Variants in ANTXR1 observed in about 807,000 individuals in gnomAD.
ANTXR1 encodes the protein anthrax toxin receptor 1.
In ANTXR1, 19 loss-of-function variants were observed where a neutral mutation model predicts 78.1. The observed-to-expected ratio is 0.24, with a 90% CI of 0.17 to 0.36. The LOEUF (loss-of-function observed/expected upper bound fraction) is 0.36, where lower values mean the gene tolerates loss of function less well. Among genes scored for constraint, ANTXR1 ranks in the 10% least tolerant of loss-of-function variants. The pLI is 1.00. For missense variants in ANTXR1, 518 were observed against 718.6 expected, an observed-to-expected ratio of 0.72 and a Z score of 3.19; for synonymous variants, 273 against 260.5, an observed-to-expected ratio of 1.05 and a Z score of -0.46.
At chr2:69,227,140 T>C (rs1675477428) in intron 17 of ANTXR1, among the ~76,000 whole-genome samples, 1 of 152,254 alleles carries the variant, frequency 6.6e-6, no homozygotes. Flanking sequence ...TGCTTTTTTT[T>C]ACTCCTAAAT....
chr2:69,168,677 C>T (rs1673896594), intron 13 of ANTXR1, among the ~76,000 whole-genome samples: 2 of 152,180 alleles, frequency 1.3e-5, no homozygotes, highest in Non-Finnish European at 2.9e-5. Flanking sequence ...CAGACATTTC[C>T]TGCTGTAAAG....
At chr2:69,045,350 A>C (rs1669732646) in intron 3 of ANTXR1, among the ~76,000 whole-genome samples, 2 of 152,218 alleles carry the variant, frequency 1.3e-5, no homozygotes, top group African/African-American at 2.4e-5. Context: ...CTAGCTTAAC[A>C]AAAGTATTTT....
intron 17 of ANTXR1, among the ~76,000 whole-genome samples, chr2:69,216,984 T>A (rs1310545674): frequency 6.6e-6 from 1 of 152,190 alleles, no homozygotes; most frequent in Non-Finnish European, 1.5e-5. Flanking sequence ...ATCTTTCCCC[T>A]AAATGTGCTT....
chr2:69,172,648 C>T, intron 14 of ANTXR1: 1 of 737,362 alleles, frequency 1.4e-6, no homozygotes, highest in Non-Finnish European at 1.8e-6. Context: ...AGAGGCATGT[C>T]TACTATTTAA....
At chr2:69,190,295 G>T (rs570558317) in intron 16 of ANTXR1, among the ~76,000 whole-genome samples, 1 of 152,306 alleles carries the variant, frequency 6.6e-6, no homozygotes, top group East Asian at 1.9e-4. Flanking sequence ...AGAGCAATTT[G>T]GGTGGAGTGA....
chr2:69,156,217 G>A lies in ANTXR1; in HGVS notation c.1047+3953G>A, dbSNP rs531126212. 7.2e-5 allele frequency among the ~76,000 whole-genome samples: 11 copies of A among 152,228 alleles called. No individual in the cohort carries two copies. The South Asian group carries it at 1.2e-3, about 17-fold the overall frequency. On this transcript the variant is annotated intron_variant, in intron 13 of 17. Transcript: ENST00000303714. The stretch of plus-strand genomic sequence containing the variant: ...CTCTGAAGTTCCCTGTACTACCTCT[G>A]GCTGTCTCATATTCAGCAGACAACC...
intron 8 of ANTXR1, 32 bp downstream of exon 8, chr2:69,077,520 T>C: frequency 1.2e-6 from 2 of 1,608,578 alleles, no homozygotes; most frequent in Non-Finnish European, 1.7e-6. Context: ...AGACTAGACA[T>C]TCAGGCACCT....
rs561868636 is a variant in ANTXR1, at chr2:69,197,933, C to T, written c.1434+4518C>T. 6.6e-5 allele frequency among the ~76,000 whole-genome samples: 10 copies of T among 152,330 alleles called. No individual in the cohort carries two copies. The East Asian group carries it at 1.7e-3, about 26-fold the overall frequency. On this transcript the variant is annotated intron_variant, in intron 17 of 17. Coordinates refer to ENST00000303714, the MANE Select transcript of ANTXR1 (RefSeq NM_032208.3). ...TTGCAAGCTGTTTCTTATCACGTCA[C>T]CATTGTCAAGGAATAATCTTTCCAT...
At position 69,102,927 on chromosome 2, in the gene ANTXR1, C is replaced by G. The variant is rs1218991441; in HGVS notation, c.789C>G (p.Asp263Glu). ...TCCTCTGCAGCTTCAAGATCAATGA[C>G]TCGGTCACACTCAGTAAGTCCTTGC... ...DRVLCSFKIN[D>E]SVTLNEKPFS... The change falls in exon 10 of 18, where the codon GAC becomes GAG. Residue 263 changes from aspartate to glutamate, a missense_variant. This residue lies in a region of ANTXR1 where 264 missense variants were observed against 391.8 expected (regional missense o/e 0.67). Transcript: ENST00000303714. 2.5e-6 allele frequency: 4 copies of G among 1,614,156 alleles called. No individual in the cohort carries two copies. The highest frequency in any genetic ancestry group is 3.4e-6 in the Non-Finnish European group (4 of 1,180,010).
At chr2:69,049,415 AT>A (rs1669867860) in intron 3 of ANTXR1, among the ~76,000 whole-genome samples, 1 of 152,076 alleles carries the variant, frequency 6.6e-6, no homozygotes, top group Admixed American at 6.6e-5. Context: ...AGTTCAAGCG[AT>A]TCTCCTGCCT....
chr2:69,180,903 TG>T (rs1262740452), intron 14 of ANTXR1, among the ~76,000 whole-genome samples: 4 of 151,886 alleles, frequency 2.6e-5, no homozygotes, highest in African/African-American at 9.7e-5. Flanking sequence ...CATCAGAAGA[TG>T]GGGTGGGGGA....
In ANTXR1 at chr2:69,072,987, G is replaced by C. The variant is rs761574644; in HGVS notation, c.413-35G>C. On this transcript the variant is annotated intron_variant, in intron 5 of 17. Transcript: ENST00000303714. ...AGAGGGTGTTTCCTTGGGTGGAGCA[G>C]GGTGGACTGAGCCAGTCTGTATTGT... The C allele has an allele frequency of 4.4e-6, 7 of 1,602,670 alleles. 1 individual carries two copies. In the South Asian group the frequency reaches 7.7e-5, roughly 18 times the overall value.
At chr2:69,048,420 G>A (rs1285540859) in intron 3 of ANTXR1, among the ~76,000 whole-genome samples, 1 of 151,958 alleles carries the variant, frequency 6.6e-6, no homozygotes, top group Non-Finnish European at 1.5e-5. Flanking sequence ...CAGAAATTTA[G>A]CACCCCTATT....
At chr2:69,026,231 A>G (rs1009193702) in intron 1 of ANTXR1, among the ~76,000 whole-genome samples, 1 of 152,230 alleles carries the variant, frequency 6.6e-6, no homozygotes, top group Non-Finnish European at 1.5e-5. Context: ...GCGTTTGGAC[A>G]AGCATGGACT....
Position 69,170,258 on chromosome 2 carries a change from A to C in ANTXR1, c.1058A>C (p.Glu353Ala). 6.2e-7 allele frequency: 1 copy of C among 1,614,152 alleles called. No homozygotes were observed. Among genetic ancestry groups the C allele is most frequent in the Non-Finnish European group, 8.5e-7 (1 of 1,180,022 alleles). The change falls in exon 14 of 18, where the codon GAG (glutamate) becomes GCG (alanine). Residue 353 changes from glutamate to alanine, a missense_variant. Transcript: ENST00000303714. ...WPLCCTVIIKEVPPPPAEESE... is the reference protein window; with the variant it reads ...WPLCCTVIIKAVPPPPAEESE... ...CTGTTTTCTTTTCAGATTATCAAGG[A>C]GGTCCCTCCACCCCCTGCCGAGGAG...
intron 8 of ANTXR1, among the ~76,000 whole-genome samples, chr2:69,086,939 C>T (rs989574356): frequency 6.6e-6 from 1 of 152,346 alleles, no homozygotes; most frequent in Admixed American, 6.5e-5. Context: ...ATCTCATGCT[C>T]TCCCTCACCG....
At chr2:69,185,345 C>A (rs1240642152) in intron 16 of ANTXR1, among the ~76,000 whole-genome samples, 1 of 151,850 alleles carries the variant, frequency 6.6e-6, no homozygotes, top group Non-Finnish European at 1.5e-5. Context: ...TTGAGACCAG[C>A]CCCGGCCAAC....
At chr2:69,161,801 A>G (rs915946660) in intron 13 of ANTXR1, among the ~76,000 whole-genome samples, 1 of 152,110 alleles carries the variant, frequency 6.6e-6, no homozygotes, top group African/African-American at 2.4e-5. Flanking sequence ...TCAGATCTGG[A>G]TTGGCATTTC....
intron 17 of ANTXR1, among the ~76,000 whole-genome samples, chr2:69,243,304 G>T (rs1277094695): frequency 5.3e-5 from 8 of 152,214 alleles, no homozygotes; most frequent in African/African-American, 1.9e-4. Flanking sequence ...TTGTGGAGCA[G>T]CAAAGCACAA....
Sources: gnomAD v4.1 joint callset for allele counts (sites outside exome capture counted in the v4.1 genomes callset) on GRCh38, gnomAD v4.1.1 for gene constraint, gnomAD v4.1.1 regional missense constraint, MANE v1.5 for transcripts, NCBI Gene and HGNC (gene_info 2026-07-23, HGNC 2026-07-21) for gene names.